The following BEGAIN variants were observed in gnomAD, a reference collection of about 807,000 sequenced individuals.
BEGAIN encodes the protein brain enriched guanylate kinase associated, also known as brain-enriched guanylate kinase-associated protein.
A neutral mutation model predicts 35.8 loss-of-function variants in BEGAIN; 19 were observed. That is an observed-to-expected ratio of 0.53 (90% CI 0.37 to 0.78). The LOEUF is 0.78. Ranked by LOEUF, BEGAIN falls within the 30% of genes least tolerant of loss-of-function variation. The probability of loss-of-function intolerance (pLI) is 0.00; values close to 1 mark genes in which losing one functional copy is unlikely to be tolerated. For missense variants in BEGAIN, 795 were observed against 853.6 expected (o/e 0.93, Z 0.85); for synonymous variants, 462 against 388.6 (o/e 1.19, Z -2.22).
At chr14:100,553,988 C>A (rs780728226) in intron 2 of BEGAIN, among the ~76,000 whole-genome samples, 1 of 152,174 alleles carries the variant, frequency 6.6e-6, no homozygotes, top group Non-Finnish European at 1.5e-5. Flanking sequence ...GGGCTGGAGC[C>A]CCAGGGCCCT....
chr14:100,545,995 A>G (rs2032317163), intron 3 of BEGAIN: 1 of 153,280 alleles, frequency 6.5e-6, no homozygotes, highest in South Asian at 2.1e-4. Context: ...GTGCACAAGA[A>G]AACTGCTTTT....
intron 6 of BEGAIN, 64 bp from the exon 7 acceptor site, chr14:100,539,379 C>G: frequency 6.7e-7 from 1 of 1,497,148 alleles, no homozygotes; most frequent in Non-Finnish European, 8.8e-7. Context: ...CAGCCCAGCC[C>G]TGGCCCTGAA....
At chr14:100,556,219 C>T (rs952789316) in intron 2 of BEGAIN, among the ~76,000 whole-genome samples, 7 of 152,080 alleles carry the variant, frequency 4.6e-5, no homozygotes, top group African/African-American at 1.2e-4. Flanking sequence ...TTTGGATCCT[C>T]GACTCCGGGA....
intron 2 of BEGAIN, among the ~76,000 whole-genome samples, chr14:100,554,650 C>T (rs2033527536): frequency 6.6e-6 from 1 of 151,738 alleles, no homozygotes; most frequent in Admixed American, 6.6e-5. Context: ...CCCACCAGCC[C>T]ACTCCCCACC....
rs140553825 is a variant in BEGAIN, at chr14:100,541,007, C to A, written c.409-428G>T. On this transcript the variant is annotated intron_variant, in intron 5 of 6. Coordinates refer to ENST00000554140, the MANE Select transcript of BEGAIN (RefSeq NM_001385089.1). ...GGGAGTGCCAGGCAGGAATGGGAGG[C>A]AGGATGAACCCCCAGCACCTTCCAC... 7.5e-4 allele frequency among the ~76,000 whole-genome samples: 114 copies of A among 152,350 alleles called. 2 individuals carry two copies. In the East Asian group the frequency reaches 0.019, roughly 26 times the overall value.
chr14:100,581,785 T>C (rs1254033896), intron 1 of BEGAIN, among the ~76,000 whole-genome samples: 1 of 152,188 alleles, frequency 6.6e-6, no homozygotes, highest in East Asian at 1.9e-4. Context: ...GCCCCTGTGG[T>C]TGGAAAGCTG....
chr14:100,539,347 T>TA, intron 6 of BEGAIN, 32 bp from the exon 7 acceptor site: 2 of 1,523,396 alleles, frequency 1.3e-6, no homozygotes, highest in Non-Finnish European at 1.8e-6. Context: ...GGACGGCGGG[T>TA]ACAGGGTCAC....
At chr14:100,544,957 G>T in intron 4 of BEGAIN, 43 bp downstream of exon 4, 2 of 1,593,566 alleles carry the variant, frequency 1.3e-6, no homozygotes, top group Non-Finnish European at 8.6e-7. Context: ...CCCCCGGGAA[G>T]GAGGTGTGGG....
Position 100,546,611 on chromosome 14 carries a change from T to G in BEGAIN, c.123A>C (p.Thr41=). The G allele has an allele frequency of 6.3e-7, 1 of 1,592,260 alleles. No homozygotes were observed. The highest frequency in any genetic ancestry group is 8.5e-7 in the Non-Finnish European group (1 of 1,172,356). Residue 41 remains threonine, a synonymous_variant, in exon 3 of 7, where the codon ACA becomes ACC. Coordinates refer to ENST00000554140, the MANE Select transcript of BEGAIN (RefSeq NM_001385089.1). ...GELRKRLSYT[T]HKLEKLETEF... ...CGGTCTCGAGCTTCTCGAGCTTGTG[T>G]GTGGTGTAGGACAGCCGCTTGCGCA...
chr14:100,561,716 GA>G lies in BEGAIN; in HGVS notation c.71+6194del, dbSNP rs72116488. On this transcript the variant is annotated intron_variant, in intron 2 of 6. Coordinates refer to ENST00000554140, the MANE Select transcript of BEGAIN (RefSeq NM_001385089.1). Reference sequence around the variant, plus strand: ...GCCTGGCGGACAGAGCAAGACTGTCGAAAAAAAAAAAAATTTGCTGAAGGCC... The same window carrying G: ...GCCTGGCGGACAGAGCAAGACTGTCGAAAAAAAAAAAATTTGCTGAAGGCC... 2.5e-3 allele frequency among the ~76,000 whole-genome samples: 362 copies of G among 146,330 alleles called. 1 individual carries two copies. Among genetic ancestry groups the G allele is most frequent in the African/African-American group, 8.0e-3 (321 of 40,064 alleles).
At chr14:100,559,067 TG>T (rs2034012681) in intron 2 of BEGAIN, among the ~76,000 whole-genome samples, 2 of 152,234 alleles carry the variant, frequency 1.3e-5, no homozygotes, top group South Asian at 4.1e-4. Flanking sequence ...ATCCTCTTCC[TG>T]GGGGCCCCAG....
chr14:100,586,319 C>A lies in BEGAIN; in HGVS notation c.42+930G>T, dbSNP rs1350983693. On this transcript the variant is annotated intron_variant, in intron 1 of 6. Coordinates refer to ENST00000554140, the MANE Select transcript of BEGAIN (RefSeq NM_001385089.1). The surrounding 1 kb of genome is among the most constrained non-coding windows in gnomAD (Gnocchi z 4.9). ...CTGTGGAGACCCCGCCCCACCCATA[C>A]CCCCAGGGCCTGGACCCCCAGTCTG... 1.3e-5 allele frequency among the ~76,000 whole-genome samples: 2 copies of A among 152,124 alleles called. No individual in the cohort carries two copies. Among genetic ancestry groups the A allele is most frequent in the East Asian group, 3.9e-4 (2 of 5,174 alleles).
intron 1 of BEGAIN, among the ~76,000 whole-genome samples, chr14:100,569,952 C>A (rs954471484): frequency 3.9e-5 from 6 of 152,060 alleles, no homozygotes; most frequent in Non-Finnish European, 7.3e-5. Context: ...GCGCTTCCCA[C>A]GGCTCCTCAC....
intron 4 of BEGAIN, among the ~76,000 whole-genome samples, chr14:100,544,558 G>A (rs910592522): frequency 1.3e-5 from 2 of 152,170 alleles, no homozygotes; most frequent in Non-Finnish European, 2.9e-5. Context: ...AGAAAATGGC[G>A]ACCCCACTGA....
rs1436505068 is a variant in BEGAIN, at chr14:100,537,830, A to T, written c.*139T>A. The stretch of plus-strand genomic sequence containing the variant: ...TCAGGCCTACAGGGCTGGGGAGGAG[A>T]GGAGGTGCGGGGAGGAACAGACTCC... On this transcript the variant is annotated 3_prime_UTR_variant, in exon 7 of 7. Coordinates refer to ENST00000554140, the MANE Select transcript of BEGAIN (RefSeq NM_001385089.1). 1.0e-5 allele frequency: 13 copies of T among 1,283,706 alleles called. No homozygotes were observed. Among genetic ancestry groups the T allele is most frequent in the Non-Finnish European group, 1.3e-5 (13 of 976,070 alleles). The allele number at this position is 1,283,706 out of a possible 1,614,324, so 79.5% of individuals were successfully genotyped here.
At chr14:100,572,122 C>T (rs1037494012) in intron 1 of BEGAIN, among the ~76,000 whole-genome samples, 2 of 152,144 alleles carry the variant, frequency 1.3e-5, no homozygotes, top group Non-Finnish European at 2.9e-5. Context: ...TAACACCATC[C>T]GCGTCCCTTC....
chr14:100,577,638 C>T, intron 1 of BEGAIN: 1 of 399,110 alleles, frequency 2.5e-6, no homozygotes, highest in Non-Finnish European at 4.4e-6. Flanking sequence ...GCAGTCTGGC[C>T]TCCCGCCAGC....
intron 1 of BEGAIN, among the ~76,000 whole-genome samples, chr14:100,578,799 A>G (rs1021568373): frequency 6.6e-6 from 1 of 151,682 alleles, no homozygotes; most frequent in Non-Finnish European, 1.5e-5. Context: ...AGGAATCCGG[A>G]TATCTCATGA....
intron 1 of BEGAIN, chr14:100,569,317 A>C (rs2034984900): frequency 6.6e-6 from 1 of 152,176 alleles, no homozygotes; most frequent in South Asian, 2.1e-4. Flanking sequence ...GTCCAAGACC[A>C]CAAGCCTGGA....
Sources: allele counts gnomAD v4.1 joint callset (sites outside exome capture counted in the v4.1 genomes callset), GRCh38; gene constraint gnomAD v4.1.1; non-coding constraint Gnocchi (gnomAD v3.1); transcripts MANE v1.5; gene names NCBI Gene and HGNC (gene_info 2026-07-23, HGNC 2026-07-21).